CNGA3: variants seen among roughly 807,000 people sequenced by gnomAD.
The protein encoded by CNGA3 is cyclic nucleotide gated channel subunit alpha 3.
In CNGA3, 42 loss-of-function variants were observed where a neutral mutation model predicts 46.6. That is an observed-to-expected ratio of 0.90 (90% confidence interval 0.70 to 1.17). The LOEUF (loss-of-function observed/expected upper bound fraction) is 1.17, where lower values mean the gene tolerates loss of function less well. Among genes scored for constraint, CNGA3 ranks in the 50% most tolerant of loss-of-function variants. The pLI is 0.00. For missense variants in CNGA3, 893 were observed against 890.7 expected, an observed-to-expected ratio of 1.00 and a Z score of -0.03; for synonymous variants, 394 against 369.4, an observed-to-expected ratio of 1.07 and a Z score of -0.76.
intron 1 of CNGA3, among the ~76,000 whole-genome samples, chr2:98,363,729 T>TCCTATGTACATTCCTAGTACAATA (rs1253123718): frequency 6.6e-6 from 1 of 152,200 alleles, no homozygotes; most frequent in African/African-American, 2.4e-5. Flanking sequence ...CCTAGTACAT[T>TCCTATGTACATTCCTAGTACAATA]CCTATGTACA....
intron 1 of CNGA3, among the ~76,000 whole-genome samples, chr2:98,359,243 C>T (rs1691966230): frequency 6.6e-6 from 1 of 152,162 alleles, no homozygotes. Context: ...AGGGTTGCCC[C>T]AAGGATGTTA....
Position 98,396,639 on chromosome 2 carries a change from T to C in CNGA3, c.1469T>C (p.Leu490Pro). 1 of 1,614,146 alleles carries C rather than the reference T, an allele frequency of 6.2e-7. No homozygotes were observed. Residue 490 changes from leucine to proline, a missense_variant, in exon 8 of 8, where the codon CTG becomes CCG. Physicochemically the swap from Leu to Pro is moderately conservative, Grantham distance 98. Transcript: ENST00000272602. ...VRIFQDCEAG[L>P]LVELVLKLRP... ...ATCTTCCAGGACTGTGAGGCAGGGC[T>C]GCTGGTGGAGCTGGTGCTGAAGCTG...
In CNGA3 at chr2:98,397,042, G is replaced by C. The variant is rs1406531016; in HGVS notation, c.1872G>C (p.Lys624Asn). 6.2e-7 allele frequency: 1 copy of C among 1,614,110 alleles called. No individual in the cohort carries two copies. The highest frequency in any genetic ancestry group is 8.5e-7 in the Non-Finnish European group (1 of 1,179,998). The change falls in exon 8 of 8, where the codon AAG becomes AAC. Residue 624 changes from lysine (K) to asparagine (N), a missense_variant. Lys to Asn is a moderately conservative substitution (Grantham distance 94). Coordinates refer to ENST00000272602, the MANE Select transcript of CNGA3 (RefSeq NM_001298.3). ...TGGCCAGGGCGGGCGCGGACCCCAA[G>C]GACCTTGAGGAGAAAGTGGAGCAGC... is the stretch of plus-strand genomic sequence containing the variant. ...EELARAGADPKDLEEKVEQLG... is the reference protein window; with the variant it reads ...EELARAGADPNDLEEKVEQLG...
chr2:98,396,477 G>A lies in CNGA3; in HGVS notation c.1307G>A (p.Arg436Gln), dbSNP rs767083685. 31 of 1,613,996 alleles carry A rather than the reference G, an allele frequency of 1.9e-5. No individual in the cohort carries two copies. In the East Asian group the frequency reaches 2.5e-4, roughly 13 times the overall value. The change falls in exon 8 of 8, where the codon CGG becomes CAG. Residue 436 changes from arginine (R) to glutamine (Q), a missense_variant. By Grantham distance (43) the Arg-to-Gln change is conservative. This residue lies in a region of CNGA3 where 548 missense variants were observed against 570.8 expected (regional missense o/e 0.96). Coordinates refer to ENST00000272602, the MANE Select transcript of CNGA3 (RefSeq NM_001298.3). ...AAGGTCACCAAGGACTTGGAGACGC[G>A]GGTTATCCGGTGGTTTGACTACCTG... is the stretch of plus-strand genomic sequence containing the variant. Reference protein sequence around the residue: ...FRKVTKDLETRVIRWFDYLWA... With the variant: ...FRKVTKDLETQVIRWFDYLWA...
chr2:98,390,767 T>C (rs1453890958), intron 6 of CNGA3, among the ~76,000 whole-genome samples: 1 of 152,052 alleles, frequency 6.6e-6, no homozygotes, highest in East Asian at 1.9e-4. Flanking sequence ...TTGGGGGCCC[T>C]TCCCAGCAGG....
In CNGA3 at chr2:98,395,852, G is replaced by T; in HGVS notation, c.682G>T (p.Glu228Ter). 1 of 1,614,056 alleles carries T rather than the reference G, an allele frequency of 6.2e-7. No homozygotes were observed. Among genetic ancestry groups the T allele is most frequent in the South Asian group, 1.1e-5 (1 of 91,024 alleles). ...TCCATCTTCTTCTTTAGGTTTTCTC[G>T]AGCAAGGCTTAATGGTCAGTGATAC... ...VLVRARTGFL[E>*]QGLMVSDTNR... Residue 228 changes from glutamate to a stop codon, truncating the protein, a stop_gained, in exon 8 of 8, where the codon GAG (glutamate) becomes TAG (stop). Transcript: ENST00000272602. LOFTEE classifies it low-confidence loss of function (END_TRUNC).
rs202197432 is a variant in CNGA3, at chr2:98,377,766, G to T, written c.181G>T (p.Gly61Trp). The T allele has an allele frequency of 6.2e-7, 1 of 1,612,490 alleles. No individual in the cohort carries two copies. The highest frequency in any genetic ancestry group is 2.2e-5 in the East Asian group (1 of 44,870). ...AMETRGLADS[G>W]QGSFTGQGIA... ...GGAGACCAGAGGACTGGCTGACTCC[G>T]GGCAGGGCTCCTTCACCGGCCAGGG... Residue 61 changes from glycine to tryptophan, a missense_variant, in exon 3 of 8, where the codon GGG becomes TGG. Gly to Trp is a radical substitution (Grantham distance 184). This residue lies in a region of CNGA3 where 333 missense variants were observed against 290.8 expected (regional missense o/e 1.15). Coordinates refer to ENST00000272602, the MANE Select transcript of CNGA3 (RefSeq NM_001298.3).
At chr2:98,371,460 A>C (rs1264715759) in intron 2 of CNGA3, among the ~76,000 whole-genome samples, 1 of 152,204 alleles carries the variant, frequency 6.6e-6, no homozygotes, top group South Asian at 2.1e-4. Flanking sequence ...AAAGAGATTG[A>C]GTCCCCATTA....
At chr2:98,366,928 G>C (rs1362649357) in intron 1 of CNGA3, among the ~76,000 whole-genome samples, 1 of 152,112 alleles carries the variant, frequency 6.6e-6, no homozygotes, top group East Asian at 1.9e-4. Flanking sequence ...ACAGATCCAT[G>C]GAAAAAGCGT....
At position 98,398,159 on chromosome 2, in the gene CNGA3, C is replaced by G. The variant is rs867630128; in HGVS notation, c.*904C>G. 6.6e-6 allele frequency: 1 copy of G among 152,134 alleles called. No homozygotes were observed. Among genetic ancestry groups the G allele is most frequent in the African/African-American group, 2.4e-5 (1 of 41,434 alleles). 9.4% of individuals were successfully genotyped at this position (152,134 alleles called of 1,614,324 possible). Reference sequence around the variant, plus strand: ...TTTTAGAAGATTAGACCATTAGGAACGTATCTTTGCAAACTGCCCATTCAC... The same window carrying G: ...TTTTAGAAGATTAGACCATTAGGAAGGTATCTTTGCAAACTGCCCATTCAC... On this transcript the variant is annotated 3_prime_UTR_variant, in exon 8 of 8. Transcript: ENST00000272602.
At chr2:98,350,201 G>A (rs1691742746) in intron 1 of CNGA3, among the ~76,000 whole-genome samples, 1 of 152,170 alleles carries the variant, frequency 6.6e-6, no homozygotes, top group South Asian at 2.1e-4. Flanking sequence ...CTGAGTCTCA[G>A]CTTCTTGGTG....
rs112487140 is a variant in CNGA3 at position 98,398,281 on chromosome 2, A to T, written c.*1026A>T. 2 of 152,204 alleles carry T rather than the reference A, an allele frequency of 1.3e-5. No homozygotes were observed. Among genetic ancestry groups the T allele is most frequent in the African/African-American group, 4.8e-5 (2 of 41,440 alleles). The allele number at this position is 152,204 out of a possible 1,614,324, so 9.4% of individuals were successfully genotyped here. On this transcript the variant is annotated 3_prime_UTR_variant, in exon 8 of 8. Coordinates refer to ENST00000272602, the MANE Select transcript of CNGA3 (RefSeq NM_001298.3). ...ACAGATTGCAGAAATTAGCTTTTTT[A>T]AAAAACAAACCCCAGTAAATATAAT...
At chr2:98,391,579 G>A (rs554080039) in intron 6 of CNGA3, among the ~76,000 whole-genome samples, 5 of 152,304 alleles carry the variant, frequency 3.3e-5, no homozygotes, top group South Asian at 2.1e-4. Flanking sequence ...CCTGGAAAAC[G>A]GTACCTCCTG....
At chr2:98,363,906 G>A (rs6734225) in intron 1 of CNGA3, among the ~76,000 whole-genome samples, 32,863 of 151,956 alleles carry the variant, frequency 0.22, 3,786 homozygotes, top group Non-Finnish European at 0.26. Context: ...AAAGTCTCCC[G>A]CTGTTATTGT....
chr2:98,349,674 C>T (rs1418061005), intron 1 of CNGA3, among the ~76,000 whole-genome samples: 2 of 152,202 alleles, frequency 1.3e-5, no homozygotes, highest in African/African-American at 4.8e-5. Flanking sequence ...AGACCAGAAG[C>T]AACCTCTGTT....
chr2:98,347,306 G>C (rs1394247635), intron 1 of CNGA3: 2 of 152,232 alleles, frequency 1.3e-5, no homozygotes, highest in Non-Finnish European at 2.9e-5. Flanking sequence ...GAGAAGGGGC[G>C]GCGGGCTCTC....
At position 98,380,363 on chromosome 2, in the gene CNGA3, C is replaced by T. The variant is rs375494943; in HGVS notation, c.395+9C>T. 45 of 1,612,750 alleles carry T rather than the reference C, an allele frequency of 2.8e-5. No homozygotes were observed. The highest frequency in any genetic ancestry group is 3.4e-5 in the Non-Finnish European group (40 of 1,179,408). ...GCAGACAGAGGGAGAAGGTAAGGAA[C>T]GGAAAAGAAGAAGGGGCCTCTGGTG... On this transcript the variant is annotated intron_variant, in intron 4 of 7. Transcript: ENST00000272602.
At chr2:98,378,798 G>A (rs1692471978) in intron 3 of CNGA3, among the ~76,000 whole-genome samples, 1 of 152,240 alleles carries the variant, frequency 6.6e-6, no homozygotes, top group Non-Finnish European at 1.5e-5. Flanking sequence ...AACAGAGCCA[G>A]TGGGGCTCGC....
chr2:98,369,993 C>G lies in CNGA3; in HGVS notation c.18C>G (p.Thr6=). The G allele has an allele frequency of 6.2e-7, 1 of 1,613,898 alleles. No homozygotes were observed. Among genetic ancestry groups the G allele is most frequent in the Non-Finnish European group, 8.5e-7 (1 of 1,179,920 alleles). The part of the protein sequence containing the change: MAKIN[T]QYSHPSRTHL... ...CCGAGAAGATGGCCAAGATCAACACCCAATACTCCCACCCCTCCAGGACCC... is the reference window on the plus strand; with the variant it reads ...CCGAGAAGATGGCCAAGATCAACACGCAATACTCCCACCCCTCCAGGACCC... The change falls in exon 2 of 8, where the codon ACC becomes ACG. Residue 6 remains threonine (T), a synonymous_variant. Transcript: ENST00000272602.
Sources: gnomAD v4.1 joint callset for allele counts (sites outside exome capture counted in the v4.1 genomes callset) on GRCh38, gnomAD v4.1.1 for gene constraint, gnomAD v4.1.1 regional missense constraint, MANE v1.5 for transcripts, NCBI Gene and HGNC (gene_info 2026-07-23, HGNC 2026-07-21) for gene names.